Variants in SAMD3 observed in about 807,000 individuals in gnomAD.
SAMD3 encodes sterile alpha motif domain-containing protein 3.
SAMD3 carries 63 observed loss-of-function variants against 58.5 expected under a neutral mutation model. The ratio of observed to expected loss-of-function variants is 1.08; its 90% CI spans 0.88 to 1.33. The LOEUF (loss-of-function observed/expected upper bound fraction) is 1.33, where lower values mean the gene tolerates loss of function less well. Ranked by LOEUF, SAMD3 falls within the 40% of genes most tolerant of loss-of-function variation. The pLI, the probability that SAMD3 is intolerant of heterozygous loss-of-function variation, is 0.00. For missense variants in SAMD3, 604 were observed against 608.4 expected (o/e 0.99, Z 0.08); for synonymous variants, 220 against 210.3 (o/e 1.05, Z -0.40).
chr6:130,191,581 C>T (rs1582863621), intron 5 of SAMD3, among the ~76,000 whole-genome samples: 2 of 150,248 alleles, frequency 1.3e-5, no homozygotes, highest in African/African-American at 2.4e-5. Flanking sequence ...TATTTCTTTT[C>T]GAATTAGAGG....
chr6:130,142,801 T>C (rs1788344105), downstream of SAMD3: 1 of 152,220 alleles, frequency 6.6e-6, no homozygotes, highest in East Asian at 1.9e-4. Flanking sequence ...ACTTCAGCCA[T>C]AGGGATGTAT....
chr6:130,194,957 T>C (rs140214965), intron 5 of SAMD3, among the ~76,000 whole-genome samples: 3,839 of 152,234 alleles, frequency 0.025, 70 homozygotes, highest in Middle Eastern at 0.041. Flanking sequence ...CAAGGGCCTG[T>C]TTCCCTTGCC....
chr6:130,181,921 T>C (rs1792365996), intron 7 of SAMD3, among the ~76,000 whole-genome samples: 1 of 151,984 alleles, frequency 6.6e-6, no homozygotes, highest in Non-Finnish European at 1.5e-5. Flanking sequence ...ACAAATTACC[T>C]GGGCGTGGTG....
At chr6:130,278,537 A>C (rs1010485767) in intron 2 of SAMD3, among the ~76,000 whole-genome samples, 7 of 152,118 alleles carry the variant, frequency 4.6e-5, no homozygotes, top group Non-Finnish European at 7.3e-5. Flanking sequence ...TCTATTCTTC[A>C]GAGTTGTTTT....
intron 5 of SAMD3, among the ~76,000 whole-genome samples, chr6:130,185,885 C>G (rs1305630544): frequency 1.3e-5 from 2 of 152,120 alleles, no homozygotes; most frequent in Non-Finnish European, 2.9e-5. Context: ...CTTGCTGTGG[C>G]TTCCCAAAGT....
chr6:130,365,171 G>A lies in SAMD3; in HGVS notation c.-355C>T, dbSNP rs191726068. On this transcript the variant is annotated 5_prime_UTR_variant, in exon 1 of 14. Transcript: ENST00000368134. The stretch of plus-strand genomic sequence containing the variant: ...TCACCGTCTTTGCCGAATTAGAGAC[G>A]ACATATTTTACTCTGTGAACAGGCC... 9.9e-5 allele frequency: 98 copies of A among 985,168 alleles called. No individual in the cohort carries two copies. The African/African-American group carries it at 1.6e-3, about 16-fold the overall frequency. 61.0% of individuals were successfully genotyped at this position (985,168 alleles called of 1,614,324 possible).
chr6:130,325,292 CT>C (rs1562523521), intron 1 of SAMD3, among the ~76,000 whole-genome samples: 1 of 152,090 alleles, frequency 6.6e-6, no homozygotes, highest in Non-Finnish European at 1.5e-5. Flanking sequence ...GCTAAGGAAG[CT>C]GTGTGAGGAC....
At chr6:130,180,640 T>C (rs1333789077) in intron 7 of SAMD3, among the ~76,000 whole-genome samples, 1 of 152,118 alleles carries the variant, frequency 6.6e-6, no homozygotes, top group Admixed American at 6.5e-5. Flanking sequence ...TGTTGTTGCT[T>C]TGTTTTGTTT....
At chr6:130,284,469 A>T (rs970367675) in intron 2 of SAMD3, among the ~76,000 whole-genome samples, 1 of 152,138 alleles carries the variant, frequency 6.6e-6, no homozygotes, top group African/African-American at 2.4e-5. Flanking sequence ...TTTAAAGAGA[A>T]ATCTGAAAAA....
intron 2 of SAMD3, 55 bp from the exon 3 acceptor site, chr6:130,215,349 ATTT>A: frequency 8.4e-7 from 1 of 1,186,690 alleles, no homozygotes; most frequent in Non-Finnish European, 1.2e-6. Flanking sequence ...TTGTGCCTTA[ATTT>A]TTTTTTTAAC....
At chr6:130,351,189 C>A (rs10457552) in intron 1 of SAMD3, among the ~76,000 whole-genome samples, 38,601 of 152,066 alleles carry the variant, frequency 0.25, 6,173 homozygotes, top group African/African-American at 0.45. Flanking sequence ...GTCTAAAACA[C>A]CAAAAGCAAT....
At chr6:130,321,465 G>T (rs72992423) in intron 1 of SAMD3, among the ~76,000 whole-genome samples, 1 of 152,128 alleles carries the variant, frequency 6.6e-6, no homozygotes, top group Non-Finnish European at 1.5e-5. Context: ...TGGAAATGGC[G>T]AAGTAATAAA....
chr6:130,162,103 G>A (rs1353749144), intron 8 of SAMD3: 5 of 547,210 alleles, frequency 9.1e-6, no homozygotes, highest in Admixed American at 3.3e-5. Context: ...ATTAACTTGA[G>A]TTAAAGCCAA....
At chr6:130,254,614 C>T (rs950743198) in intron 2 of SAMD3, among the ~76,000 whole-genome samples, 4 of 152,062 alleles carry the variant, frequency 2.6e-5, no homozygotes, top group Non-Finnish European at 5.9e-5. Context: ...CAGGTGTAAG[C>T]CAGTATTGAA....
intron 1 of SAMD3, among the ~76,000 whole-genome samples, chr6:130,347,305 T>C (rs1201307155): frequency 1.3e-5 from 2 of 151,954 alleles, no homozygotes; most frequent in Non-Finnish European, 2.9e-5. Context: ...TTCAAACCCA[T>C]GGCAAAGAAG....
chr6:130,238,705 C>A (rs941707759), intron 2 of SAMD3, among the ~76,000 whole-genome samples: 1 of 152,048 alleles, frequency 6.6e-6, no homozygotes, highest in African/African-American at 2.4e-5. Context: ...CATATGTGGA[C>A]CAGGAAGGGA....
Position 130,175,867 on chromosome 6 carries a change from C to G in SAMD3, c.796G>C (p.Asp266His), listed in dbSNP as rs1334005793. The G allele has an allele frequency of 6.2e-7, 1 of 1,612,148 alleles. No individual in the cohort carries two copies. The highest frequency in any genetic ancestry group is 8.5e-7 in the Non-Finnish European group (1 of 1,178,932). Residue 266 changes from aspartate to histidine, a missense_variant, in exon 8 of 12, where the codon GAT becomes CAT. Coordinates refer to ENST00000439090, the MANE Select transcript of SAMD3 (RefSeq NM_001017373.4). ...TRKSLADIRF[D>H]EIKLVQIKEE... The stretch of plus-strand genomic sequence containing the variant: ...TTTATCTGGACAAGTTTAATTTCAT[C>G]AAATCTTATATCAGCAAGAGATTTC...
At chr6:130,167,529 T>C (rs1790836828) in intron 8 of SAMD3, among the ~76,000 whole-genome samples, 1 of 152,198 alleles carries the variant, frequency 6.6e-6, no homozygotes, top group Admixed American at 6.5e-5. Flanking sequence ...AGCTTTTAAA[T>C]CCAACATTTT....
chr6:130,204,596 C>CAAACA (rs1794916317), intron 5 of SAMD3, among the ~76,000 whole-genome samples: 1 of 138,608 alleles, frequency 7.2e-6, no homozygotes. Context: ...GACCCTATCT[C>CAAACA]AAAAAAAGAA....
Sources: gnomAD v4.1 joint callset for allele counts (sites outside exome capture counted in the v4.1 genomes callset) on GRCh38, gnomAD v4.1.1 for gene constraint, MANE v1.5 for transcripts, NCBI Gene and HGNC (gene_info 2026-07-23, HGNC 2026-07-21) for gene names.